SERPINF2: variants seen among roughly 807,000 people sequenced by gnomAD.
SERPINF2 encodes alpha-2-antiplasmin.
In SERPINF2, 15 loss-of-function variants were observed where a neutral mutation model predicts 45.0. That is an observed-to-expected ratio of 0.33 (90% CI 0.22 to 0.51). SERPINF2 has a LOEUF of 0.51. Among genes scored for constraint, SERPINF2 ranks in the 20% least tolerant of loss-of-function variants. The pLI, the probability that SERPINF2 is intolerant of heterozygous loss-of-function variation, is 0.97. For synonymous variants in SERPINF2, 283 were observed against 277.9 expected, an observed-to-expected ratio of 1.02 and a Z score of -0.18; for missense variants, 518 against 637.4, an observed-to-expected ratio of 0.81 and a Z score of 2.02.
At chr17:1,748,251 C>T (rs1182351615) in intron 7 of SERPINF2, among the ~76,000 whole-genome samples, 6 of 149,916 alleles carry the variant, frequency 4.0e-5, no homozygotes, top group African/African-American at 4.9e-5. Context: ...TTGCAGTGAG[C>T]GGAGGTCGTG....
intron 8 of SERPINF2, among the ~76,000 whole-genome samples, chr17:1,749,798 G>A (rs1443606718): frequency 6.6e-6 from 1 of 151,998 alleles, no homozygotes; most frequent in East Asian, 1.9e-4. Flanking sequence ...TATTACAAGG[G>A]CCCATGGACT....
At chr17:1,744,954 A>C (rs1351514857) in intron 1 of SERPINF2, 38 bp from the exon 2 acceptor site, 11 of 1,612,688 alleles carry the variant, frequency 6.8e-6, no homozygotes, top group Non-Finnish European at 9.3e-6. Flanking sequence ...GGGCGTGGGG[A>C]TGTGAGATGG....
At chr17:1,750,132 C>T (rs1441391650) in intron 8 of SERPINF2, among the ~76,000 whole-genome samples, 1 of 151,864 alleles carries the variant, frequency 6.6e-6, no homozygotes, top group Non-Finnish European at 1.5e-5. Context: ...CACCACCACG[C>T]CTGGCTAATT....
intron 1 of SERPINF2, chr17:1,743,117 G>A: frequency 5.1e-6 from 5 of 985,044 alleles, no homozygotes; most frequent in Non-Finnish European, 6.0e-6. Flanking sequence ...TGTGTGGGAT[G>A]GGGGTGGGGC....
Position 1,754,472 on chromosome 17 carries a change from C to T in SERPINF2, c.1414C>T (p.Pro472Ser), listed in dbSNP as rs372733955. The T allele has an allele frequency of 1.2e-6, 2 of 1,608,304 alleles. No individual in the cohort carries two copies. The highest frequency in any genetic ancestry group is 1.7e-6 in the Non-Finnish European group (2 of 1,177,240). ...CCCCCGCGGAGACAAGCTTTTCGGC[C>T]CTGACTTAAAACTTGTGCCCCCCAT... Reference protein sequence around the residue: ...GFPRGDKLFGPDLKLVPPMEE... With the variant: ...GFPRGDKLFGSDLKLVPPMEE... The change falls in exon 10 of 10, where the codon CCT (proline) becomes TCT (serine). Residue 472 changes from proline (P) to serine (S), a missense_variant. Physicochemically the swap from Pro to Ser is moderately conservative, Grantham distance 74. Around this residue, in one of 2 missense-constraint regions of SERPINF2, gnomAD observed 83 missense variants for 60.0 expected, o/e 1.38. Coordinates refer to ENST00000453066, the MANE Select transcript of SERPINF2 (RefSeq NM_000934.4).
intron 6 of SERPINF2, 53 bp from the exon 7 acceptor site, chr17:1,747,256 G>T: frequency 6.2e-7 from 1 of 1,611,038 alleles, no homozygotes; most frequent in Non-Finnish European, 8.5e-7. Flanking sequence ...GTAGGGGCGT[G>T]TCTGGCTGTG....
intron 5 of SERPINF2, among the ~76,000 whole-genome samples, chr17:1,746,723 G>A (rs554438097): frequency 5.3e-5 from 8 of 152,012 alleles, no homozygotes; most frequent in South Asian, 2.1e-4. Flanking sequence ...CACCGCGCCC[G>A]GCCCCTCCTG....
chr17:1,745,218 T>G lies in SERPINF2; in HGVS notation c.102+5T>G, dbSNP rs199686844. Reference sequence around the variant, plus strand: ...ATGGAGCCCTTGGGCCGGCAGGTACTGGGGAGTGAGGAGCCTGTGATGGGG... The same window carrying G: ...ATGGAGCCCTTGGGCCGGCAGGTACGGGGGAGTGAGGAGCCTGTGATGGGG... On this transcript the variant is annotated splice_donor_5th_base_variant and intron_variant, in intron 3 of 9. Coordinates refer to ENST00000453066, the MANE Select transcript of SERPINF2 (RefSeq NM_000934.4). This position sits in a 1 kb window ranked among gnomAD's most constrained non-coding sequence, Gnocchi z 6.2. 4.1e-4 allele frequency: 572 copies of G among 1,385,308 alleles called. No individual in the cohort carries two copies. The highest frequency in any genetic ancestry group is 2.9e-3 in the Admixed American group (121 of 42,216). The allele number at this position is 1,385,308 out of a possible 1,614,324, so 85.8% of individuals were successfully genotyped here.
In SERPINF2 at chr17:1,749,286, G is replaced by A. The variant is rs749734722; in HGVS notation, c.858+546G>A. ...CTAAAAATACAAAAATTAGCCAGGC[G>A]TGGTGGCAGGTGCCTGTAATCCCAG... is the stretch of plus-strand genomic sequence containing the variant. On this transcript the variant is annotated intron_variant, in intron 8 of 9. Transcript: ENST00000453066. 3.8e-4 allele frequency among the ~76,000 whole-genome samples: 58 copies of A among 152,230 alleles called. 1 individual carries two copies. The highest frequency in any genetic ancestry group is 6.2e-4 in the Non-Finnish European group (42 of 68,016).
At position 1,745,668 on chromosome 17, in the gene SERPINF2, T is replaced by C; in HGVS notation, c.166-40T>C. The C allele has an allele frequency of 6.3e-7, 1 of 1,591,638 alleles. No homozygotes were observed. The highest frequency in any genetic ancestry group is 1.7e-5 in the Admixed American group (1 of 59,942). ...AGGCCTTCAACACAGAACCTGGAGC[T>C]GACCCCTTGACCTCCCTGACCCCTG... On this transcript the variant is annotated intron_variant, in intron 4 of 9. Coordinates refer to ENST00000453066, the MANE Select transcript of SERPINF2 (RefSeq NM_000934.4). The surrounding 1 kb of genome is among the most constrained non-coding windows in gnomAD (Gnocchi z 6.2).
intron 9 of SERPINF2, among the ~76,000 whole-genome samples, chr17:1,753,860 G>A (rs1454703956): frequency 6.6e-6 from 1 of 152,202 alleles, no homozygotes; most frequent in African/African-American, 2.4e-5. Flanking sequence ...CAGCATAAGC[G>A]ATAAGACAGA....
At position 1,745,581 on chromosome 17, in the gene SERPINF2, C is replaced by T. The variant is rs553361057; in HGVS notation, c.166-127C>T. ...CAGAATGCCAGTGCCCTCCGTCTGA[C>T]GCTCCCTCTTCCCTGGGGCTGGGAC... On this transcript the variant is annotated intron_variant, in intron 4 of 9. Transcript: ENST00000453066. This position sits in a 1 kb window ranked among gnomAD's most constrained non-coding sequence, Gnocchi z 6.2. 1.1e-4 allele frequency: 137 copies of T among 1,195,722 alleles called. 1 individual carries two copies. The highest frequency in any genetic ancestry group is 2.7e-4 in the South Asian group (21 of 78,404). 74.1% of individuals were successfully genotyped at this position (1,195,722 alleles called of 1,614,324 possible).
At chr17:1,747,261 G>C (rs777787038) in intron 6 of SERPINF2, 48 bp from the exon 7 acceptor site, 15 of 1,611,224 alleles carry the variant, frequency 9.3e-6, no homozygotes, top group Middle Eastern at 3.3e-4. Context: ...GGCGTGTCTG[G>C]CTGTGGAGCC....
At chr17:1,751,486 G>C (rs907737253) in intron 8 of SERPINF2, among the ~76,000 whole-genome samples, 1 of 132,822 alleles carries the variant, frequency 7.5e-6, no homozygotes, top group Admixed American at 7.6e-5. Context: ...GTGGTTTACA[G>C]GCTCATGCCT....
chr17:1,745,128 G>A lies in SERPINF2; in HGVS notation c.64-47G>A. On this transcript the variant is annotated intron_variant, in intron 2 of 9. Coordinates refer to ENST00000453066, the MANE Select transcript of SERPINF2 (RefSeq NM_000934.4). The surrounding 1 kb of genome is among the most constrained non-coding windows in gnomAD (Gnocchi z 6.2). ...GAAGAGGGGCGTTGGCATGGAGGGA[G>A]GGCTTGGCTCCGAGGGGACCTCCTA... 6.3e-7 allele frequency: 1 copy of A among 1,599,790 alleles called. No homozygotes were observed. Among genetic ancestry groups the A allele is most frequent in the Non-Finnish European group, 8.5e-7 (1 of 1,173,906 alleles).
rs746089534 is a variant in SERPINF2, at chr17:1,748,784, T to C, written c.858+44T>C. On this transcript the variant is annotated intron_variant, in intron 8 of 9. Coordinates refer to ENST00000453066, the MANE Select transcript of SERPINF2 (RefSeq NM_000934.4). ...GCAGGCTGGGCCTGAGGCTGGGAGG[T>C]GGGGAAGGGAGTGGACAGGCTGTGG... 7 of 1,025,002 alleles carry C rather than the reference T, an allele frequency of 6.8e-6. No individual in the cohort carries two copies. The South Asian group carries it at 8.8e-5, about 13-fold the overall frequency. 63.5% of individuals were successfully genotyped at this position (1,025,002 alleles called of 1,614,324 possible). A position where few individuals can be genotyped will look rare whatever the true frequency, so the allele number is the denominator to read the frequency against.
intron 7 of SERPINF2, among the ~76,000 whole-genome samples, chr17:1,747,811 A>G (rs1905988975): frequency 6.6e-6 from 1 of 151,606 alleles, no homozygotes; most frequent in Admixed American, 6.6e-5. Context: ...TGATCCACCC[A>G]CCTCGGCCTC....
chr17:1,752,258 G>A (rs1481697784), intron 8 of SERPINF2, among the ~76,000 whole-genome samples: 2 of 152,170 alleles, frequency 1.3e-5, no homozygotes, highest in African/African-American at 4.8e-5. Context: ...GTTTTGCCAT[G>A]TTGGTCAGGC....
rs370280422 is a variant in SERPINF2, at chr17:1,745,055, C to T, written c.60C>T (p.Ser20=). The change falls in exon 2 of 10, where the codon TCC becomes TCT. Residue 20 remains serine, a synonymous_variant. Coordinates refer to ENST00000453066, the MANE Select transcript of SERPINF2 (RefSeq NM_000934.4). The surrounding 1 kb of genome is among the most constrained non-coding windows in gnomAD (Gnocchi z 6.2). Reference sequence around the variant, plus strand: ...GGTCCTGCCTGCAAGGCCCCTGCTCCGTGGTGAGGCTGGGCTGAAGTCAAG... The same window carrying T: ...GGTCCTGCCTGCAAGGCCCCTGCTCTGTGGTGAGGCTGGGCTGAAGTCAAG... ...LSWSCLQGPC[S]VFSPVSAMEP... is the part of the protein sequence containing the mutation. 89 of 1,603,284 alleles carry T rather than the reference C, an allele frequency of 5.6e-5. No individual in the cohort carries two copies. Among genetic ancestry groups the T allele is most frequent in the Middle Eastern group, 5.0e-4 (3 of 5,986 alleles).
Sources: allele counts gnomAD v4.1 joint callset (sites outside exome capture counted in the v4.1 genomes callset), GRCh38; gene constraint gnomAD v4.1.1; regional missense constraint gnomAD v4.1.1; non-coding constraint Gnocchi (gnomAD v3.1); transcripts MANE v1.5; gene names NCBI Gene and HGNC (gene_info 2026-07-23, HGNC 2026-07-21).